The following BMX variants were observed in gnomAD, a reference collection of about 807,000 sequenced individuals.
The protein encoded by BMX is cytoplasmic tyrosine-protein kinase BMX.
BMX carries 31 observed loss-of-function variants against 59.2 expected under a neutral mutation model. The ratio of observed to expected loss-of-function variants is 0.52; its 90% CI spans 0.39 to 0.71. BMX has a LOEUF of 0.71. Among genes scored for constraint, BMX ranks in the 30% least tolerant of loss-of-function variants. BMX has a pLI of 0.00. For synonymous variants in BMX, 185 were observed against 181.0 expected, an observed-to-expected ratio of 1.02 and a Z score of -0.18; for missense variants, 474 against 491.7, an observed-to-expected ratio of 0.96 and a Z score of 0.34.
At chrX:15,532,869 CAGG>C (rs953229984) in intron 11 of BMX, among the ~76,000 whole-genome samples, 2 of 112,472 alleles carry the variant, frequency 1.8e-5, no homozygotes, top group African/African-American at 6.5e-5. Context: ...CAGTAAGAAT[CAGG>C]AGAAGACTTT....
chrX:15,508,392 AAG>A lies in BMX; in HGVS notation c.41_42del (p.Arg14IlefsTer11). On this transcript the variant is annotated frameshift_variant, in exon 2 of 19. Transcript: ENST00000348343. LOFTEE classifies it high-confidence loss of function. ...KSILEELLLK[R>X]SQQKKKMSPN... The stretch of plus-strand genomic sequence containing the variant: ...CTATTCTAGAAGAACTTCTTCTCAA[AAG>A]ATCACAGCAAAAGAAGAAAATGTCA... The A allele has an allele frequency of 8.6e-7, 1 of 1,167,826 alleles. No homozygotes were observed. The highest frequency in any genetic ancestry group is 1.2e-6 in the Non-Finnish European group (1 of 864,364).
rs1352700703 is a variant in BMX, at chrX:15,527,700, GT to G, written c.884+1609del. Among the ~76,000 whole-genome samples the G allele has an allele frequency of 2.7e-5, 3 of 111,601 alleles. No individual in the cohort carries two copies. In the Admixed American group the frequency reaches 2.9e-4, roughly 11 times the overall value. On this transcript the variant is annotated intron_variant, in intron 9 of 18. Coordinates refer to ENST00000348343, the MANE Select transcript of BMX (RefSeq NM_203281.3). ...GAGCTTTTACAAAGTACATGCTACT[GT>G]TTTCACTCCTCCTCTCATCTCTAAC...
At chrX:15,530,514 G>A (rs756604579) in intron 10 of BMX, among the ~76,000 whole-genome samples, 107 of 111,963 alleles carry the variant, frequency 9.6e-4, no homozygotes, top group Non-Finnish European at 6.0e-4. Context: ...AGCACTTTTC[G>A]AGTCTCTGCT....
At chrX:15,546,725 C>T in intron 16 of BMX, 78 bp from the exon 17 acceptor site, 1 of 809,822 alleles carries the variant, frequency 1.2e-6, no homozygotes, top group South Asian at 2.5e-5. Flanking sequence ...TCGACTGAGA[C>T]TCTGGGTGGC....
At chrX:15,504,239 T>C (rs1216453262) in intron 1 of BMX, among the ~76,000 whole-genome samples, 1 of 112,128 alleles carries the variant, frequency 8.9e-6, no homozygotes, top group Non-Finnish European at 1.9e-5. Context: ...TTTTAAAACA[T>C]AGTTGGTACC....
At chrX:15,507,913 G>A (rs1051418261) in intron 1 of BMX, among the ~76,000 whole-genome samples, 3 of 111,749 alleles carry the variant, frequency 2.7e-5, no homozygotes, top group African/African-American at 9.8e-5. Context: ...TCTCATAGTG[G>A]TTTGGGTAAT....
chrX:15,526,938 A>G (rs1363898167), intron 9 of BMX, among the ~76,000 whole-genome samples: 2 of 110,063 alleles, frequency 1.8e-5, no homozygotes, highest in African/African-American at 6.6e-5. Flanking sequence ...GAAAAAGTGC[A>G]CTATTAAAAA....
At chrX:15,525,927 T>C (rs983956023) in intron 8 of BMX, 115 bp from the exon 9 acceptor site, 2 of 602,686 alleles carry the variant, frequency 3.3e-6, no homozygotes, top group African/African-American at 4.5e-5. Context: ...AACCTAACAA[T>C]CTAAATGTTA....
intron 17 of BMX, among the ~76,000 whole-genome samples, chrX:15,547,402 C>T (rs902860014): frequency 2.7e-5 from 3 of 112,416 alleles, no homozygotes; most frequent in Non-Finnish European, 5.6e-5. Context: ...GATAGCCATT[C>T]CCTTCTGCGC....
At chrX:15,539,159 T>C (rs1173914402) in intron 14 of BMX, among the ~76,000 whole-genome samples, 1 of 110,759 alleles carries the variant, frequency 9.0e-6, no homozygotes, top group Non-Finnish European at 1.9e-5. Context: ...GGCAGAAACT[T>C]TCTGCCAGAT....
At chrX:15,529,496 T>C (rs1475242123) in intron 9 of BMX, among the ~76,000 whole-genome samples, 1 of 112,541 alleles carries the variant, frequency 8.9e-6, no homozygotes, top group Non-Finnish European at 1.9e-5. Context: ...TGCCCTCACA[T>C]GAGAAACAGC....
chrX:15,547,258 C>T (rs1471133910), intron 17 of BMX, among the ~76,000 whole-genome samples: 1 of 111,955 alleles, frequency 8.9e-6, no homozygotes, highest in Admixed American at 9.5e-5. Context: ...TCTTTAGAAA[C>T]ATCAAAGGGG....
At position 15,556,089 on chromosome X, in the gene BMX, C is replaced by T; in HGVS notation, c.1970C>T (p.Pro657Leu). 8.3e-7 allele frequency: 1 copy of T among 1,204,431 alleles called. No homozygotes were observed. The highest frequency in any genetic ancestry group is 2.3e-4 in the Middle Eastern group (1 of 4,315). Reference protein sequence around the residue: ...SCWHELPEKRPTFQQLLSSIE... With the variant: ...SCWHELPEKRLTFQQLLSSIE... ...TTTGTTTAGCTTCCAGAAAAGCGTC[C>T]CACATTTCAGCAACTCCTGTCTTCC... The change falls in exon 19 of 19, where the codon CCC becomes CTC. Residue 657 changes from proline to leucine, a missense_variant. Transcript: ENST00000348343.
In BMX at chrX:15,510,090, C is replaced by T. The variant is rs748732360; in HGVS notation, c.243+657C>T. ...CCTATGAATAAAGAAGCCCATGTGA[C>T]AGTGAAAGAGATAGCCTGGAGAGGT... On this transcript the variant is annotated intron_variant, in intron 3 of 18. Transcript: ENST00000348343. Among the ~76,000 whole-genome samples the T allele has an allele frequency of 1.7e-3, 190 of 111,734 alleles. 1 individual carries two copies. The highest frequency in any genetic ancestry group is 6.0e-3 in the African/African-American group (183 of 30,718).
intron 7 of BMX, 148 bp downstream of exon 7, chrX:15,522,735 C>A: frequency 1.2e-6 from 1 of 849,363 alleles, no homozygotes; most frequent in Non-Finnish European, 1.6e-6. Flanking sequence ...TCTGGGGAAG[C>A]AGTGGCCCCA....
rs112139309 is a variant in BMX, at chrX:15,522,291, C to T, written c.511-55C>T. On this transcript the variant is annotated intron_variant, in intron 6 of 18. Transcript: ENST00000348343. Reference sequence around the variant, plus strand: ...GCTGATATACTTAATTGTCAGTTCCCGGTACCTGAATCTGTGCCTCACTGT... The same window carrying T: ...GCTGATATACTTAATTGTCAGTTCCTGGTACCTGAATCTGTGCCTCACTGT... 2.6e-3 allele frequency: 3,101 copies of T among 1,180,298 alleles called. 54 individuals are homozygous for T. In the African/African-American group the frequency reaches 0.047, roughly 18 times the overall value.
Position 15,556,463 on chromosome X carries a change from T to G in BMX, c.*316T>G, listed in dbSNP as rs914623747. 6.5e-6 allele frequency: 1 copy of G among 153,140 alleles called. No individual in the cohort carries two copies. The highest frequency in any genetic ancestry group is 3.1e-5 in the African/African-American group (1 of 32,688). 12.6% of individuals were successfully genotyped at this position (153,140 alleles called of 1,213,427 possible). The stretch of plus-strand genomic sequence containing the variant: ...GAACTGAAAAATTACTTATTGGATA[T>G]TCATTCTTTTCTTTATATTGTCATT... On this transcript the variant is annotated 3_prime_UTR_variant, in exon 19 of 19. Transcript: ENST00000348343.
intron 14 of BMX, among the ~76,000 whole-genome samples, chrX:15,539,867 AACG>A (rs1172550806): frequency 9.0e-6 from 1 of 111,720 alleles, no homozygotes; most frequent in African/African-American, 3.3e-5. Flanking sequence ...TGCAAATCAA[AACG>A]ACAGTGAGAT....
intron 9 of BMX, among the ~76,000 whole-genome samples, chrX:15,527,741 G>T (rs1013864815): frequency 8.9e-6 from 1 of 111,750 alleles, no homozygotes; most frequent in Admixed American, 9.5e-5. Flanking sequence ...CCTGGTCCTA[G>T]CCATACCTGT....
Sources: gnomAD v4.1 joint callset for allele counts (sites outside exome capture counted in the v4.1 genomes callset) on GRCh38, gnomAD v4.1.1 for gene constraint, MANE v1.5 for transcripts, NCBI Gene and HGNC (gene_info 2026-07-23, HGNC 2026-07-21) for gene names.